ACSS3: variants seen among roughly 807,000 people sequenced by gnomAD.
ACSS3 encodes acyl-CoA synthetase short chain family member 3.
ACSS3 carries 64 observed loss-of-function variants against 84.2 expected under a neutral mutation model. The observed-to-expected ratio is 0.76, with a 90% CI of 0.62 to 0.94. The LOEUF is 0.94. Among genes scored for constraint, ACSS3 ranks in the 40% least tolerant of loss-of-function variants. The pLI is 0.00. For missense variants in ACSS3, 815 were observed against 867.6 expected, an observed-to-expected ratio of 0.94 and a Z score of 0.76; for synonymous variants, 317 against 310.1, an observed-to-expected ratio of 1.02 and a Z score of -0.23.
At chr12:81,238,642 T>C (rs1206589136) in intron 13 of ACSS3, among the ~76,000 whole-genome samples, 3 of 151,770 alleles carry the variant, frequency 2.0e-5, no homozygotes. Flanking sequence ...GGTAATCAAA[T>C]TGGTGGGCAT....
At chr12:81,175,059 G>A in intron 8 of ACSS3, 120 bp downstream of exon 8, 1 of 1,084,992 alleles carries the variant, frequency 9.2e-7, no homozygotes, top group Admixed American at 3.3e-5. Flanking sequence ...GATTCAGAGT[G>A]TTATTAAGAA....
chr12:81,130,440 G>A (rs1885413839), intron 2 of ACSS3, among the ~76,000 whole-genome samples: 1 of 152,154 alleles, frequency 6.6e-6, no homozygotes, highest in South Asian at 2.1e-4. Context: ...AGAAGTGTCT[G>A]TTCATATGCT....
rs916563649 is a variant in ACSS3, at chr12:81,078,578, T to A, written c.311+147T>A. Reference sequence around the variant, plus strand: ...TCAGACCCCTCAATTCGTGTTTCATTTCAATTTCATAGTCAGTTCTCTTGC... The same window carrying A: ...TCAGACCCCTCAATTCGTGTTTCATATCAATTTCATAGTCAGTTCTCTTGC... On this transcript the variant is annotated intron_variant, in intron 1 of 15. Transcript: ENST00000548058. 3 of 894,156 alleles carry A rather than the reference T, an allele frequency of 3.4e-6. No homozygotes were observed. The Admixed American group carries it at 8.4e-5, about 25-fold the overall frequency. The allele number at this position is 894,156 out of a possible 1,614,324, so 55.4% of individuals were successfully genotyped here. A position where few individuals can be genotyped will look rare whatever the true frequency, so the allele number is the denominator to read the frequency against.
chr12:81,172,951 G>A (rs905098523), intron 7 of ACSS3, among the ~76,000 whole-genome samples: 10 of 152,058 alleles, frequency 6.6e-5, no homozygotes. Flanking sequence ...TATTATCTCA[G>A]TGCCTTTAGC....
chr12:81,152,514 A>G (rs1886661660), intron 7 of ACSS3, among the ~76,000 whole-genome samples: 1 of 152,174 alleles, frequency 6.6e-6, no homozygotes, highest in South Asian at 2.1e-4. Flanking sequence ...GGTTTCTAAT[A>G]AAGCTCTGTG....
At chr12:81,248,763 G>T (rs970955905) in intron 13 of ACSS3, among the ~76,000 whole-genome samples, 2 of 151,862 alleles carry the variant, frequency 1.3e-5, no homozygotes, top group African/African-American at 2.4e-5. Context: ...GATACCTTAA[G>T]TACCCTGAAT....
In ACSS3 at chr12:81,260,762, G is replaced by A. The variant is rs1164012784; in HGVS notation, c.*5840G>A. 2 of 152,144 alleles carry A rather than the reference G, an allele frequency of 1.3e-5. No individual in the cohort carries two copies. The highest frequency in any genetic ancestry group is 2.9e-5 in the Non-Finnish European group (2 of 68,018). The allele number at this position is 152,144 out of a possible 1,614,324, so 9.4% of individuals were successfully genotyped here. On this transcript the variant is annotated 3_prime_UTR_variant, in exon 16 of 16. Coordinates refer to ENST00000548058, the MANE Select transcript of ACSS3 (RefSeq NM_024560.4). The stretch of plus-strand genomic sequence containing the variant: ...CAATGAAAACAGCACAAGGTGAGTT[G>A]TTCCTCTGTCTATAACTGTTTTCTC...
chr12:81,199,858 C>T, intron 9 of ACSS3: 1 of 395,014 alleles, frequency 2.5e-6, no homozygotes, highest in Non-Finnish European at 4.7e-6. Context: ...ATTCTCTCTG[C>T]TTTTTGATAC....
At chr12:81,078,516 A>T (rs1593009732) in intron 1 of ACSS3, 85 bp downstream of exon 1, 1 of 1,449,088 alleles carries the variant, frequency 6.9e-7, no homozygotes. Flanking sequence ...GGAATCTGGC[A>T]TTCTATCACG....
At chr12:81,173,911 G>T (rs534523223) in intron 7 of ACSS3, among the ~76,000 whole-genome samples, 142 of 150,862 alleles carry the variant, frequency 9.4e-4, no homozygotes, top group African/African-American at 3.3e-3. Flanking sequence ...GTTGCCATTT[G>T]TTTGCCTCCA....
chr12:81,199,800 C>A (rs1455340274), intron 9 of ACSS3: 6 of 638,834 alleles, frequency 9.4e-6, no homozygotes, highest in African/African-American at 1.9e-5. Context: ...GCTCTGGCAG[C>A]TGCATTATCC....
chr12:81,144,304 A>G lies in ACSS3; in HGVS notation c.921+1057A>G, dbSNP rs571849328. ...TTGTGCTGTATGTAGTTGGTGCTCAATAAATTTTTGTTGAATTCATACGTA... is the reference window on the plus strand; with the variant it reads ...TTGTGCTGTATGTAGTTGGTGCTCAGTAAATTTTTGTTGAATTCATACGTA... On this transcript the variant is annotated intron_variant, in intron 5 of 15. Coordinates refer to ENST00000548058, the MANE Select transcript of ACSS3 (RefSeq NM_024560.4). Among the ~76,000 whole-genome samples, 16 of 151,994 alleles carry G rather than the reference A, an allele frequency of 1.1e-4. 1 individual carries two copies. The highest frequency in any genetic ancestry group is 3.9e-4 in the African/African-American group (16 of 41,252).
At chr12:81,091,071 A>G (rs1881639779) in intron 1 of ACSS3, among the ~76,000 whole-genome samples, 1 of 151,950 alleles carries the variant, frequency 6.6e-6, no homozygotes, top group Non-Finnish European at 1.5e-5. Context: ...TTTAAAATTA[A>G]TTTTTCTCAA....
At chr12:81,250,441 T>G (rs1044762744) in intron 13 of ACSS3, among the ~76,000 whole-genome samples, 1 of 152,120 alleles carries the variant, frequency 6.6e-6, no homozygotes, top group African/African-American at 2.4e-5. Context: ...AATATTATAT[T>G]ATAGGAAATG....
intron 5 of ACSS3, among the ~76,000 whole-genome samples, chr12:81,146,919 G>A (rs1331091189): frequency 6.6e-6 from 1 of 151,834 alleles, no homozygotes. Flanking sequence ...GAAATCAAAA[G>A]GAAAAGATTG....
intron 1 of ACSS3, among the ~76,000 whole-genome samples, chr12:81,091,638 T>A (rs1881674483): frequency 6.6e-6 from 1 of 152,008 alleles, no homozygotes; most frequent in African/African-American, 2.4e-5. Context: ...TTCAAGTTTA[T>A]CATTAGTAAA....
chr12:81,244,944 G>T (rs1429989829), intron 13 of ACSS3, among the ~76,000 whole-genome samples: 1 of 151,512 alleles, frequency 6.6e-6, no homozygotes, highest in East Asian at 1.9e-4. Flanking sequence ...TGTGTGGTTT[G>T]TTATTTATTT....
At chr12:81,248,233 T>C (rs754303897) in intron 13 of ACSS3, among the ~76,000 whole-genome samples, 2 of 152,148 alleles carry the variant, frequency 1.3e-5, no homozygotes, top group Non-Finnish European at 2.9e-5. Context: ...TAAATTAGTA[T>C]GTCAAAGGGC....
Position 81,127,293 on chromosome 12 carries a change from T to C in ACSS3, c.457-7523T>C, listed in dbSNP as rs994413044. Among the ~76,000 whole-genome samples, 3 of 152,056 alleles carry C rather than the reference T, an allele frequency of 2.0e-5. No homozygotes were observed. In the South Asian group the frequency reaches 6.2e-4, roughly 31 times the overall value. Reference sequence around the variant, plus strand: ...ATATTTATATTCCTGAAAAATTCTCTTCCAAAAAAGATAGTTTTACTATCA... The same window carrying C: ...ATATTTATATTCCTGAAAAATTCTCCTCCAAAAAAGATAGTTTTACTATCA... On this transcript the variant is annotated intron_variant, in intron 2 of 15. Transcript: ENST00000548058.
Sources: gnomAD v4.1 joint callset for allele counts (sites outside exome capture counted in the v4.1 genomes callset) on GRCh38, gnomAD v4.1.1 for gene constraint, MANE v1.5 for transcripts, NCBI Gene and HGNC (gene_info 2026-07-23, HGNC 2026-07-21) for gene names.